GIGYF2: variants seen among roughly 807,000 people sequenced by gnomAD.
GIGYF2 encodes the protein GRB10-interacting GYF protein 2.
In GIGYF2, 25 loss-of-function variants were observed where a neutral mutation model predicts 208.1. That is an observed-to-expected ratio of 0.12 (90% confidence interval 0.09 to 0.17). The LOEUF (loss-of-function observed/expected upper bound fraction) is 0.17. Among genes scored for constraint, GIGYF2 ranks in the 10% least tolerant of loss-of-function variants. GIGYF2 has a pLI of 1.00. For missense variants in GIGYF2, 1,302 were observed against 1,579.4 expected (o/e 0.82, Z 2.98); for synonymous variants, 534 against 543.8 (o/e 0.98, Z 0.25).
intron 28 of GIGYF2, among the ~76,000 whole-genome samples, chr2:232,854,410 T>A (rs1690472489): frequency 2.0e-5 from 3 of 152,132 alleles, no homozygotes; most frequent in African/African-American, 7.2e-5. Flanking sequence ...GGAGGATCGC[T>A]TCAGCCTGGG....
intron 13 of GIGYF2, among the ~76,000 whole-genome samples, chr2:232,795,709 A>G (rs1463142808): frequency 6.6e-6 from 1 of 152,112 alleles, no homozygotes; most frequent in Non-Finnish European, 1.5e-5. Context: ...AACAGTCTGG[A>G]TAACGTGATG....
chr2:232,773,316 T>G (rs1699350355), intron 8 of GIGYF2, among the ~76,000 whole-genome samples: 3 of 152,212 alleles, frequency 2.0e-5, no homozygotes, highest in Admixed American at 2.0e-4. Flanking sequence ...GTATTATCTC[T>G]TAATTCTTCA....
rs191887694 is a variant in GIGYF2 at position 232,783,763 on chromosome 2, C to T, written c.533-3387C>T. Among the ~76,000 whole-genome samples the T allele has an allele frequency of 2.6e-3, 390 of 152,078 alleles. 2 individuals carry two copies. Among genetic ancestry groups the T allele is most frequent in the African/African-American group, 9.1e-3 (376 of 41,504 alleles). On this transcript the variant is annotated intron_variant, in intron 8 of 28. Transcript: ENST00000373563. Reference sequence around the variant, plus strand: ...GTGCAATGGTGCGATCTTGGCTCACCGCAACCTCTGCCACCCGCTTCAAGT... The same window carrying T: ...GTGCAATGGTGCGATCTTGGCTCACTGCAACCTCTGCCACCCGCTTCAAGT...
Position 232,806,416 on chromosome 2 carries a change from T to G in GIGYF2, c.1640-75T>G. ...AGATGCCACCTCGATGAGAATCAGA[T>G]GCAGGAAATATTTTTTTTCTCTTTG... On this transcript the variant is annotated intron_variant, in intron 14 of 28. Transcript: ENST00000373563. This position sits in a 1 kb window ranked among gnomAD's most constrained non-coding sequence, Gnocchi z 4.0. 3 of 1,009,582 alleles carry G rather than the reference T, an allele frequency of 3.0e-6. No individual in the cohort carries two copies. The highest frequency in any genetic ancestry group is 4.8e-6 in the Non-Finnish European group (3 of 628,482). The allele number at this position is 1,009,582 out of a possible 1,614,324, so 62.5% of individuals were successfully genotyped here.
Position 232,857,148 on chromosome 2 carries a change from T to C in GIGYF2, c.*288T>C, listed in dbSNP as rs1289834756. 2.0e-6 allele frequency: 1 copy of C among 501,476 alleles called. No homozygotes were observed. The highest frequency in any genetic ancestry group is 3.6e-6 in the Non-Finnish European group (1 of 275,704). 31.1% of individuals were successfully genotyped at this position (501,476 alleles called of 1,614,324 possible). Reference sequence around the variant, plus strand: ...TTTAGGCAGCATGTGTTCACTGTGCTGTGATTTCATCTACTGTCTCCCAGA... The same window carrying C: ...TTTAGGCAGCATGTGTTCACTGTGCCGTGATTTCATCTACTGTCTCCCAGA... On this transcript the variant is annotated 3_prime_UTR_variant, in exon 29 of 29. Coordinates refer to ENST00000373563, the MANE Select transcript of GIGYF2 (RefSeq NM_001103146.3).
At chr2:232,855,943 T>G (rs573893498) in intron 28 of GIGYF2, among the ~76,000 whole-genome samples, 73 of 152,084 alleles carry the variant, frequency 4.8e-4, no homozygotes, top group African/African-American at 1.2e-3. Flanking sequence ...GTTTTGTTTT[T>G]TTTTTGAGAC....
At chr2:232,801,094 A>G (rs551827561) in intron 14 of GIGYF2, among the ~76,000 whole-genome samples, 3 of 152,268 alleles carry the variant, frequency 2.0e-5, no homozygotes, top group East Asian at 3.9e-4. Context: ...AATTCTTGCT[A>G]TGTTGACCAG....
At chr2:232,845,071 C>T (rs983289664) in intron 25 of GIGYF2, among the ~76,000 whole-genome samples, 3 of 152,138 alleles carry the variant, frequency 2.0e-5, no homozygotes, top group Non-Finnish European at 4.4e-5. Flanking sequence ...GTGTTAAATA[C>T]ATGAACTCAA....
rs1249684016 is a variant in GIGYF2 at position 232,806,437 on chromosome 2, C to G, written c.1640-54C>G. 50 of 1,252,598 alleles carry G rather than the reference C, an allele frequency of 4.0e-5. No homozygotes were observed. The highest frequency in any genetic ancestry group is 8.5e-5 in the Admixed American group (5 of 59,134). The allele number at this position is 1,252,598 out of a possible 1,614,324, so 77.6% of individuals were successfully genotyped here. A position where few individuals can be genotyped will look rare whatever the true frequency, so the allele number is the denominator to read the frequency against. ...CAGATGCAGGAAATATTTTTTTTCT[C>G]TTTGAGTCTGAAAGGTTTCTTATTG... On this transcript the variant is annotated intron_variant, in intron 14 of 28. Transcript: ENST00000373563. The surrounding 1 kb of genome is among the most constrained non-coding windows in gnomAD (Gnocchi z 4.0).
chr2:232,805,083 C>T (rs1269339218), intron 14 of GIGYF2, among the ~76,000 whole-genome samples: 1 of 151,886 alleles, frequency 6.6e-6, no homozygotes, highest in African/African-American at 2.4e-5. Flanking sequence ...GAGCAGTATA[C>T]ACTGAATATG....
Position 232,806,801 on chromosome 2 carries a change from G to A in GIGYF2, c.1806+144G>A. ...GAAATGGTAAGGGAAAGTCTGAATG[G>A]AAGACTGAATACTTAGCTATAATGA... On this transcript the variant is annotated intron_variant, in intron 15 of 28. Coordinates refer to ENST00000373563, the MANE Select transcript of GIGYF2 (RefSeq NM_001103146.3). This position sits in a 1 kb window ranked among gnomAD's most constrained non-coding sequence, Gnocchi z 4.0. 1 of 761,624 alleles carries A rather than the reference G, an allele frequency of 1.3e-6. No homozygotes were observed. Among genetic ancestry groups the A allele is most frequent in the South Asian group, 1.4e-5 (1 of 71,352 alleles). 47.2% of individuals were successfully genotyped at this position (761,624 alleles called of 1,614,324 possible).
chr2:232,719,365 C>G (rs1450867422), intron 2 of GIGYF2, among the ~76,000 whole-genome samples: 1 of 152,130 alleles, frequency 6.6e-6, no homozygotes, highest in African/African-American at 2.4e-5. Flanking sequence ...GGACTTACTA[C>G]GTAGATTTGT....
At chr2:232,719,647 A>G (rs1028409686) in intron 2 of GIGYF2, among the ~76,000 whole-genome samples, 2 of 152,232 alleles carry the variant, frequency 1.3e-5, no homozygotes, top group East Asian at 1.9e-4. Context: ...ATAGAAAAAT[A>G]TAGGGAGAAA....
intron 3 of GIGYF2, chr2:232,736,031 G>GCAGA: frequency 1.0e-6 from 1 of 977,468 alleles, no homozygotes; most frequent in Non-Finnish European, 1.2e-6. Flanking sequence ...AATAAATGAT[G>GCAGA]CAGACTTCCT....
At chr2:232,727,845 T>A (rs1033229618) in intron 2 of GIGYF2, among the ~76,000 whole-genome samples, 14 of 152,222 alleles carry the variant, frequency 9.2e-5, no homozygotes, top group African/African-American at 3.4e-4. Context: ...TTTTGGATAC[T>A]TCCTCAGTCA....
intron 6 of GIGYF2, among the ~76,000 whole-genome samples, chr2:232,756,948 TA>T (rs1698569116): frequency 3.3e-5 from 5 of 152,370 alleles, no homozygotes; most frequent in South Asian, 2.1e-4. Flanking sequence ...ACGACATTCT[TA>T]AATATTTGTA....
At chr2:232,856,081 C>T (rs1690558257) in intron 28 of GIGYF2, among the ~76,000 whole-genome samples, 1 of 152,004 alleles carries the variant, frequency 6.6e-6, no homozygotes, top group Non-Finnish European at 1.5e-5. Context: ...CAGGTGCCCA[C>T]CACCACACCT....
rs759895571 is a variant in GIGYF2, at chr2:232,856,805, A to G, written c.3845A>G (p.Asn1282Ser). 38 of 1,612,944 alleles carry G rather than the reference A, an allele frequency of 2.4e-5. No homozygotes were observed. The highest frequency in any genetic ancestry group is 5.5e-5 in the South Asian group (5 of 91,072). ...TTTTTTTCTGCAGGATTTTCAGTCAATGCATCATCGGAGCGACTCAACATG... is the reference window on the plus strand; with the variant it reads ...TTTTTTTCTGCAGGATTTTCAGTCAGTGCATCATCGGAGCGACTCAACATG... The part of the protein sequence containing the change: ...ADPSLLGFSV[N>S]ASSERLNMGE... The change falls in exon 29 of 29, where the codon AAT becomes AGT. Residue 1282 changes from asparagine (N) to serine (S), a missense_variant. By Grantham distance (46) the Asn-to-Ser change is conservative. Coordinates refer to ENST00000373563, the MANE Select transcript of GIGYF2 (RefSeq NM_001103146.3).
chr2:232,796,328 A>G, intron 14 of GIGYF2, 107 bp downstream of exon 14: 10 of 800,518 alleles, frequency 1.2e-5, no homozygotes, highest in Middle Eastern at 4.6e-4. Flanking sequence ...AGAAGTCAAC[A>G]AGCACACACG....
Sources: allele counts gnomAD v4.1 joint callset (sites outside exome capture counted in the v4.1 genomes callset), GRCh38; gene constraint gnomAD v4.1.1; non-coding constraint Gnocchi (gnomAD v3.1); transcripts MANE v1.5; gene names NCBI Gene and HGNC (gene_info 2026-07-23, HGNC 2026-07-21).